The following HS3ST5 variants were observed in gnomAD, a reference collection of about 807,000 sequenced individuals.
HS3ST5 encodes the protein heparan sulfate-glucosamine 3-sulfotransferase 5.
A neutral mutation model predicts 25.4 loss-of-function variants in HS3ST5; 10 were observed. That is an observed-to-expected ratio of 0.39 (90% CI 0.24 to 0.67). The LOEUF (loss-of-function observed/expected upper bound fraction) is 0.67, where lower values mean the gene tolerates loss of function less well. Ranked by LOEUF, HS3ST5 falls within the 30% of genes least tolerant of loss-of-function variation. The probability of loss-of-function intolerance (pLI) is 0.44; values close to 1 mark genes in which losing one functional copy is unlikely to be tolerated. For synonymous variants in HS3ST5, 170 were observed against 162.4 expected (o/e 1.05, Z -0.36); for missense variants, 324 against 420.7 (o/e 0.77, Z 2.01).
At chr6:114,314,584 A>G (rs1775673306) in intron 1 of HS3ST5, among the ~76,000 whole-genome samples, 1 of 152,222 alleles carries the variant, frequency 6.6e-6, no homozygotes, top group Non-Finnish European at 1.5e-5. Flanking sequence ...GTTCATAGAA[A>G]GAGCTGGCAA....
chr6:114,314,507 G>A (rs1314468633), intron 1 of HS3ST5, among the ~76,000 whole-genome samples: 1 of 152,096 alleles, frequency 6.6e-6, no homozygotes, highest in African/African-American at 2.4e-5. Context: ...TTAACGTTTG[G>A]AGTAATTTTT....
intron 1 of HS3ST5, among the ~76,000 whole-genome samples, chr6:114,313,025 G>GA (rs5879258): frequency 0.5 from 7,991 of 16,140 alleles, 3,541 homozygotes; most frequent in Non-Finnish European, 0.66. Context: ...CCCTGCATCA[G>GA]AAAAAAAAAA....
Position 114,185,606 on chromosome 6 carries a change from G to A in HS3ST5, c.-144-17144C>T, listed in dbSNP as rs188172088. Among the ~76,000 whole-genome samples the A allele has an allele frequency of 5.8e-3, 881 of 152,112 alleles. 26 individuals carry two copies. Among genetic ancestry groups the A allele is most frequent in the Admixed American group, 0.055 (841 of 15,268 alleles). On this transcript the variant is annotated intron_variant, in intron 2 of 4. Transcript: ENST00000312719. ...TTCATGGCAACCCTCCATCAAGCAA[G>A]TTTACTGTGCCATTTTTCTAACAGC...
In HS3ST5 at chr6:114,163,217, C is replaced by T. The variant is rs562124530; in HGVS notation, c.-33+5134G>A. On this transcript the variant is annotated intron_variant, in intron 3 of 4. Transcript: ENST00000312719. ...TTAAAGTTCTTAGTGAAATTGTAGA[C>T]TATGAAATACAAATTGAGCACATGA... 3.9e-5 allele frequency among the ~76,000 whole-genome samples: 6 copies of T among 152,238 alleles called. No individual in the cohort carries two copies. In the East Asian group the frequency reaches 5.8e-4, roughly 15 times the overall value.
At chr6:114,222,720 T>C (rs959349531) in intron 2 of HS3ST5, among the ~76,000 whole-genome samples, 3 of 151,830 alleles carry the variant, frequency 2.0e-5, no homozygotes, top group African/African-American at 7.2e-5. Context: ...GGAATGAAGA[T>C]AGAATGGTTT....
intron 3 of HS3ST5, among the ~76,000 whole-genome samples, chr6:114,081,493 T>C (rs1421161605): frequency 6.6e-6 from 1 of 152,192 alleles, no homozygotes; most frequent in Non-Finnish European, 1.5e-5. Context: ...AGGTGTCAAA[T>C]AATTTGAAAC....
At chr6:114,135,040 A>G (rs1777525550) in intron 3 of HS3ST5, among the ~76,000 whole-genome samples, 1 of 152,214 alleles carries the variant, frequency 6.6e-6, no homozygotes, top group African/African-American at 2.4e-5. Context: ...GGTTTTCTCT[A>G]TAAATGACTT....
chr6:114,206,907 C>G (rs965628170), intron 2 of HS3ST5, among the ~76,000 whole-genome samples: 2 of 152,246 alleles, frequency 1.3e-5, no homozygotes, highest in Admixed American at 1.3e-4. Context: ...TGGCAGGGAA[C>G]AGAAGGGACA....
At chr6:114,195,370 A>C (rs1295342212) in intron 2 of HS3ST5, among the ~76,000 whole-genome samples, 1 of 152,132 alleles carries the variant, frequency 6.6e-6, no homozygotes, top group Non-Finnish European at 1.5e-5. Context: ...CTATAGAGAG[A>C]CCAGACCCAC....
intron 3 of HS3ST5, among the ~76,000 whole-genome samples, chr6:114,163,282 GC>G (rs1366277461): frequency 6.6e-6 from 1 of 152,138 alleles, no homozygotes; most frequent in Non-Finnish European, 1.5e-5. Context: ...ATCATGGGCA[GC>G]ATTAGAATAA....
intron 1 of HS3ST5, among the ~76,000 whole-genome samples, chr6:114,250,674 G>T (rs1392704748): frequency 2.0e-5 from 3 of 152,018 alleles, no homozygotes; most frequent in African/African-American, 4.8e-5. Flanking sequence ...TGAAGGAAGA[G>T]ACATTTTGTC....
intron 3 of HS3ST5, among the ~76,000 whole-genome samples, chr6:114,148,711 C>G (rs1337488364): frequency 6.6e-6 from 1 of 152,038 alleles, no homozygotes; most frequent in African/African-American, 2.4e-5. Flanking sequence ...ACACCAAAAG[C>G]AATTGAAACA....
At chr6:114,285,114 T>C (rs557553469) in intron 1 of HS3ST5, among the ~76,000 whole-genome samples, 36 of 152,198 alleles carry the variant, frequency 2.4e-4, no homozygotes, top group African/African-American at 8.4e-4. Context: ...AATATTAGCA[T>C]TGGATGTTCA....
At chr6:114,140,407 T>G (rs776426599) in intron 3 of HS3ST5, among the ~76,000 whole-genome samples, 1 of 152,180 alleles carries the variant, frequency 6.6e-6, no homozygotes, top group African/African-American at 2.4e-5. Flanking sequence ...ATTAAATAAT[T>G]GTAAAAGTGG....
rs527602461 is a variant in HS3ST5 at position 114,074,298 on chromosome 6, A to T, written c.-32-11421T>A. Among the ~76,000 whole-genome samples, 15 of 147,884 alleles carry T rather than the reference A, an allele frequency of 1.0e-4. No individual in the cohort carries two copies. The South Asian group carries it at 1.3e-3, about 13-fold the overall frequency. ...ACCTAGAACTTAAAGTATAATAATT[A>T]AAAAAAGAGCAAAAAAAAAAAGGCC... On this transcript the variant is annotated intron_variant, in intron 3 of 4. Transcript: ENST00000312719.
chr6:114,097,090 TACAAA>T (rs964239064), intron 3 of HS3ST5, among the ~76,000 whole-genome samples: 5 of 151,982 alleles, frequency 3.3e-5, no homozygotes, highest in African/African-American at 4.8e-5. Flanking sequence ...TCCTGAGTAA[TACAAA>T]ACAAAATGTT....
At chr6:114,190,885 C>T (rs188519595) in intron 2 of HS3ST5, among the ~76,000 whole-genome samples, 1 of 152,290 alleles carries the variant, frequency 6.6e-6, no homozygotes, top group African/African-American at 2.4e-5. Flanking sequence ...ATGACAAGAG[C>T]TTCTCTGGCT....
intron 2 of HS3ST5, among the ~76,000 whole-genome samples, chr6:114,202,654 C>T (rs73767068): frequency 7.1e-4 from 108 of 152,172 alleles, no homozygotes; most frequent in African/African-American, 2.6e-3. Flanking sequence ...AAATCATGAG[C>T]CTAGAGCACA....
chr6:114,191,975 G>A (rs1780526996), intron 2 of HS3ST5, among the ~76,000 whole-genome samples: 1 of 152,042 alleles, frequency 6.6e-6, no homozygotes, highest in Admixed American at 6.6e-5. Context: ...AAAGCCAAAG[G>A]TAACATATAA....
Sources: gnomAD v4.1 joint callset for allele counts (sites outside exome capture counted in the v4.1 genomes callset) on GRCh38, gnomAD v4.1.1 for gene constraint, MANE v1.5 for transcripts, NCBI Gene and HGNC (gene_info 2026-07-23, HGNC 2026-07-21) for gene names.